The following SEC14L6 variants were observed in gnomAD, a reference collection of about 807,000 sequenced individuals.
SEC14L6 encodes SEC14-like protein 6.
In SEC14L6, 40 loss-of-function variants were observed where a neutral mutation model predicts 54.1. The ratio of observed to expected loss-of-function variants is 0.74; its 90% CI spans 0.57 to 0.96. The LOEUF is 0.96. Ranked by LOEUF, SEC14L6 falls within the 40% of genes least tolerant of loss-of-function variation. The probability of loss-of-function intolerance (pLI) is 0.00; values close to 1 mark genes in which losing one functional copy is unlikely to be tolerated. For synonymous variants in SEC14L6, 171 were observed against 198.4 expected (o/e 0.86, Z 1.16); for missense variants, 471 against 498.3 (o/e 0.95, Z 0.52).
At chr22:30,534,107 C>T (rs549510448) in intron 2 of SEC14L6, 68 bp from the exon 3 acceptor site, 19 of 1,452,962 alleles carry the variant, frequency 1.3e-5, no homozygotes, top group African/African-American at 5.6e-5. Context: ...GGAGAGACAA[C>T]GGCCCTGCCC....
At chr22:30,542,305 C>A (rs980945891) in intron 1 of SEC14L6, among the ~76,000 whole-genome samples, 2 of 152,190 alleles carry the variant, frequency 1.3e-5, no homozygotes, top group Non-Finnish European at 1.5e-5. Flanking sequence ...GACACCCCCC[C>A]ACCCCCGCGC....
rs756029816 is a variant in SEC14L6 at position 30,538,226 on chromosome 22, G to A, written c.130+601C>T. On this transcript the variant is annotated intron_variant, in intron 2 of 11. Coordinates refer to ENST00000402034, the MANE Select transcript of SEC14L6 (RefSeq NM_001193336.4). ...GGTGGCACATGAATCCTAACTACTC[G>A]GGAGGCTGAGGCACAAGAATTGCTT... Among the ~76,000 whole-genome samples, 3 of 152,022 alleles carry A rather than the reference G, an allele frequency of 2.0e-5. 1 individual carries two copies. The highest frequency in any genetic ancestry group is 6.8e-3 in the Middle Eastern group (2 of 294).
At chr22:30,546,550 T>C (rs113555233) in intron 1 of SEC14L6, 79 bp downstream of exon 1, 35,177 of 1,359,244 alleles carry the variant, frequency 0.026, 811 homozygotes, top group African/African-American at 0.097. Context: ...CAGAAGAAAC[T>C]CAGGGACCTT....
At chr22:30,533,747 T>G (rs1937058587) in intron 3 of SEC14L6, among the ~76,000 whole-genome samples, 1 of 152,302 alleles carries the variant, frequency 6.6e-6, no homozygotes. Context: ...CCTCCTTCCC[T>G]GTTTTGCTGT....
Position 30,532,017 on chromosome 22 carries a change from G to C in SEC14L6, c.424-19C>G. The C allele has an allele frequency of 6.5e-7, 1 of 1,548,748 alleles. No individual in the cohort carries two copies. The highest frequency in any genetic ancestry group is 8.7e-7 in the Non-Finnish European group (1 of 1,145,650). On this transcript the variant is annotated intron_variant, in intron 5 of 11. Transcript: ENST00000402034. ...TCCCCAGCTGCAAGGGAATGACAGGGGGTGAGACCCTGTGAGGGCCACTGC... is the reference window on the plus strand; with the variant it reads ...TCCCCAGCTGCAAGGGAATGACAGGCGGTGAGACCCTGTGAGGGCCACTGC...
At chr22:30,527,311 G>T (rs1298705579) in intron 8 of SEC14L6, among the ~76,000 whole-genome samples, 1 of 151,624 alleles carries the variant, frequency 6.6e-6, no homozygotes, top group Non-Finnish European at 1.5e-5. Flanking sequence ...GACACAAGAA[G>T]GCAATAAACA....
At chr22:30,543,106 A>G in intron 1 of SEC14L6, 1 of 1,601,838 alleles carries the variant, frequency 6.2e-7, no homozygotes, top group Non-Finnish European at 8.5e-7. Context: ...ACCCAGAGAC[A>G]TCAGCCTGAA....
intron 2 of SEC14L6, among the ~76,000 whole-genome samples, chr22:30,535,343 C>T (rs1453686685): frequency 6.6e-6 from 1 of 152,232 alleles, no homozygotes; most frequent in Non-Finnish European, 1.5e-5. Context: ...TTTGCAGCAG[C>T]ACTTCTGCTG....
In SEC14L6 at chr22:30,525,426, C is replaced by A. The variant is rs747086516; in HGVS notation, c.1005G>T (p.Glu335Asp). The change falls in exon 11 of 12, where the codon GAG (glutamate) becomes GAT (aspartate). Residue 335 changes from glutamate (E) to aspartate (D), a missense_variant. Transcript: ENST00000402034. ...CATTGTAGCGCTGGCTGGGCAGCAC[C>A]TCTGTCATCTCCCTAGCCCTCTGCC... ...GERQRAREMT[E>D]VLPSQRYNAH... The A allele has an allele frequency of 3.1e-6, 5 of 1,614,196 alleles. No individual in the cohort carries two copies. The Admixed American group carries it at 8.3e-5, about 27-fold the overall frequency.
chr22:30,528,422 C>CTTTTTTTTTTT (rs375073961), intron 8 of SEC14L6, among the ~76,000 whole-genome samples: 4,013 of 105,060 alleles, frequency 0.038, 193 homozygotes, highest in Non-Finnish European at 0.057. Context: ...CGCTCGGCCT[C>CTTTTTTTTTTT]TTTTTTTTTT....
chr22:30,543,740 T>C, intron 1 of SEC14L6: 1 of 1,584,182 alleles, frequency 6.3e-7, no homozygotes, highest in Non-Finnish European at 8.7e-7. Flanking sequence ...ATGGAGGCTC[T>C]CTACCTCGTC....
intron 8 of SEC14L6, among the ~76,000 whole-genome samples, chr22:30,528,422 C>A (rs1262297660): frequency 2.8e-5 from 3 of 105,536 alleles, no homozygotes; most frequent in African/African-American, 4.0e-5. Context: ...CGCTCGGCCT[C>A]TTTTTTTTTT....
Position 30,532,610 on chromosome 22 carries a change from A to G in SEC14L6, c.338T>C (p.Leu113Pro). The change falls in exon 5 of 12, where the codon CTC (leucine) becomes CCC (proline). Residue 113 changes from leucine to proline, a missense_variant. Leu to Pro is a moderately conservative substitution (Grantham distance 98, BLOSUM62 -3). Coordinates refer to ENST00000402034, the MANE Select transcript of SEC14L6 (RefSeq NM_001193336.4). Reference sequence around the variant, plus strand: ...GAGCAACTCCTGTTTGGAGGCTGAGAGCAAGAGGCCTTTGGGGTCCAGGCT... The same window carrying G: ...GAGCAACTCCTGTTTGGAGGCTGAGGGCAAGAGGCCTTTGGGGTCCAGGCT... Reference protein sequence around the residue: ...VGSLDPKGLLLSASKQELLRD... With the variant: ...VGSLDPKGLLPSASKQELLRD... The G allele has an allele frequency of 1.3e-6, 2 of 1,550,662 alleles. No individual in the cohort carries two copies. Among genetic ancestry groups the G allele is most frequent in the Non-Finnish European group, 1.7e-6 (2 of 1,147,006 alleles).
intron 8 of SEC14L6, among the ~76,000 whole-genome samples, chr22:30,527,226 G>A (rs1936806737): frequency 2.0e-5 from 3 of 151,696 alleles, no homozygotes; most frequent in Non-Finnish European, 2.9e-5. Flanking sequence ...AGCAGGAAAG[G>A]ACAAGGTGTT....
Position 30,542,664 on chromosome 22 carries a change from G to A in SEC14L6, c.55-3762C>T. 3 of 1,517,138 alleles carry A rather than the reference G, an allele frequency of 2.0e-6. No individual in the cohort carries two copies. In the African/African-American group the frequency reaches 4.1e-5, roughly 21 times the overall value. 94.0% of individuals were successfully genotyped at this position (1,517,138 alleles called of 1,614,324 possible). ...GCGCCTGGTCAGGAGTGGCGGGTGAGGAGGAGCTGCAGGTGATTCAGCCTG... is the reference window on the plus strand; with the variant it reads ...GCGCCTGGTCAGGAGTGGCGGGTGAAGAGGAGCTGCAGGTGATTCAGCCTG... On this transcript the variant is annotated intron_variant, in intron 1 of 11. Coordinates refer to ENST00000402034, the MANE Select transcript of SEC14L6 (RefSeq NM_001193336.4).
At chr22:30,543,799 C>T (rs2085766300) in intron 1 of SEC14L6, 5 of 1,511,862 alleles carry the variant, frequency 3.3e-6, no homozygotes, top group Admixed American at 1.7e-5. Context: ...TACAAGGTTG[C>T]ATGAACCCGA....
rs1936677314 is a variant in SEC14L6, at chr22:30,523,700, T to A, written c.*1297A>T. On this transcript the variant is annotated 3_prime_UTR_variant, in exon 12 of 12. Coordinates refer to ENST00000402034, the MANE Select transcript of SEC14L6 (RefSeq NM_001193336.4). Reference sequence around the variant, plus strand: ...AGGAGATTGGATGAAGATCCAGAGCTCAAGCAGATTCTCAGATGCTATAAC... The same window carrying A: ...AGGAGATTGGATGAAGATCCAGAGCACAAGCAGATTCTCAGATGCTATAAC... 1 of 152,082 alleles carries A rather than the reference T, an allele frequency of 6.6e-6. No homozygotes were observed. The highest frequency in any genetic ancestry group is 2.4e-5 in the African/African-American group (1 of 41,398). 9.4% of individuals were successfully genotyped at this position (152,082 alleles called of 1,614,324 possible).
In SEC14L6 at chr22:30,523,669, T is replaced by G. The variant is rs1936676244; in HGVS notation, c.*1328A>C. 6.6e-6 allele frequency: 1 copy of G among 152,212 alleles called. No homozygotes were observed. Among genetic ancestry groups the G allele is most frequent in the Non-Finnish European group, 1.5e-5 (1 of 68,072 alleles). The allele number at this position is 152,212 out of a possible 1,614,324, so 9.4% of individuals were successfully genotyped here. Reference sequence around the variant, plus strand: ...CACTGCACCTGGCCAGTTTGAAATCTTAATCAGGAGATTGGATGAAGATCC... The same window carrying G: ...CACTGCACCTGGCCAGTTTGAAATCGTAATCAGGAGATTGGATGAAGATCC... On this transcript the variant is annotated 3_prime_UTR_variant, in exon 12 of 12. Coordinates refer to ENST00000402034, the MANE Select transcript of SEC14L6 (RefSeq NM_001193336.4).
At position 30,543,807 on chromosome 22, in the gene SEC14L6, C is replaced by T. The variant is rs1476136015; in HGVS notation, c.54+2822G>A. ...CTTCTTCTACAAGGTTGCATGAACC[C>T]GAGAAGAATGCCAGAAAAATAACCC... On this transcript the variant is annotated intron_variant, in intron 1 of 11. Coordinates refer to ENST00000402034, the MANE Select transcript of SEC14L6 (RefSeq NM_001193336.4). The T allele has an allele frequency of 1.3e-5, 20 of 1,505,858 alleles. No individual in the cohort carries two copies. In the South Asian group the frequency reaches 1.5e-4, roughly 11 times the overall value. 93.3% of individuals were successfully genotyped at this position (1,505,858 alleles called of 1,614,324 possible). A position where few individuals can be genotyped will look rare whatever the true frequency, so the allele number is the denominator to read the frequency against.
Sources: gnomAD v4.1 joint callset for allele counts (sites outside exome capture counted in the v4.1 genomes callset) on GRCh38, gnomAD v4.1.1 for gene constraint, MANE v1.5 for transcripts, NCBI Gene and HGNC (gene_info 2026-07-23, HGNC 2026-07-21) for gene names.